NIT2: variants seen among roughly 807,000 people sequenced by gnomAD.
The protein encoded by NIT2 is nitrilase family member 2, also known as omega-amidase NIT2.
NIT2 carries 46 observed loss-of-function variants against 42.7 expected under a neutral mutation model. The ratio of observed to expected loss-of-function variants is 1.08; its 90% CI spans 0.85 to 1.38. The LOEUF (loss-of-function observed/expected upper bound fraction) is 1.38, where lower values mean the gene tolerates loss of function less well. NIT2 is among the 40% of genes most tolerant of loss of function. NIT2 has a pLI of 0.00. For synonymous variants in NIT2, 123 were observed against 121.9 expected (o/e 1.01, Z -0.06); for missense variants, 309 against 342.5 (o/e 0.90, Z 0.77).
At chr3:100,346,415 A>G (rs1178904677) in intron 6 of NIT2, 160 bp downstream of exon 6, 3 of 625,450 alleles carry the variant, frequency 4.8e-6, no homozygotes, top group East Asian at 2.8e-5. Context: ...TTTGCTGTGT[A>G]TGGATGACAG....
At chr3:100,345,726 A>G (rs1183070059) in intron 5 of NIT2, 48 bp downstream of exon 5, 1 of 1,156,554 alleles carries the variant, frequency 8.6e-7, no homozygotes, top group Non-Finnish European at 1.3e-6. Context: ...GTAGAAGACA[A>G]TCAGGTATTT....
intron 1 of NIT2, among the ~76,000 whole-genome samples, chr3:100,338,164 A>G (rs1420024641): frequency 4.6e-5 from 7 of 152,230 alleles, no homozygotes; most frequent in Non-Finnish European, 8.8e-5. Flanking sequence ...ATGTATAGCT[A>G]CTACCTCCAG....
intron 6 of NIT2, among the ~76,000 whole-genome samples, chr3:100,348,562 A>T (rs771709376): frequency 6.6e-6 from 1 of 152,172 alleles, no homozygotes; most frequent in Admixed American, 6.5e-5. Context: ...TCAAAGTCAC[A>T]TGTGATTTTG....
rs181710866 is a variant in NIT2, at chr3:100,345,254, C to T, written c.337-331C>T. ...GATTACAGGCATGAGCCACCGTGTC[C>T]GGCCTGATTCTGAGAAGTCTTTATT... On this transcript the variant is annotated intron_variant, in intron 4 of 9. Transcript: ENST00000394140. Among the ~76,000 whole-genome samples the T allele has an allele frequency of 3.3e-5, 5 of 152,276 alleles. No homozygotes were observed. The East Asian group carries it at 5.8e-4, about 18-fold the overall frequency.
chr3:100,335,608 G>A (rs1016456144), intron 1 of NIT2, among the ~76,000 whole-genome samples: 1 of 152,186 alleles, frequency 6.6e-6, no homozygotes, highest in African/African-American at 2.4e-5. Context: ...CAGAATGATA[G>A]GCAGTCCTAA....
At chr3:100,335,959 A>C (rs1430059269) in intron 1 of NIT2, among the ~76,000 whole-genome samples, 1 of 152,234 alleles carries the variant, frequency 6.6e-6, no homozygotes, top group Admixed American at 6.5e-5. Context: ...GGAGACGTTT[A>C]GTGGATTTAT....
chr3:100,339,086 G>T lies in NIT2; in HGVS notation c.8-1G>T. On this transcript the variant is annotated splice_acceptor_variant, in intron 1 of 9. Transcript: ENST00000394140. LOFTEE classifies it high-confidence loss of function. Reference sequence around the variant, plus strand: ...CTGTTTTCTTTTGTCTTTGTTCTCAGCTTTCCGCTTGGCCCTCATCCAGCT... The same window carrying T: ...CTGTTTTCTTTTGTCTTTGTTCTCATCTTTCCGCTTGGCCCTCATCCAGCT... The T allele has an allele frequency of 6.2e-7, 1 of 1,605,794 alleles. No homozygotes were observed. The highest frequency in any genetic ancestry group is 8.5e-7 in the Non-Finnish European group (1 of 1,172,512).
intron 4 of NIT2, among the ~76,000 whole-genome samples, 180 bp from the exon 5 acceptor site, chr3:100,345,405 G>A (rs1706204749): frequency 6.6e-6 from 1 of 152,198 alleles, no homozygotes; most frequent in African/African-American, 2.4e-5. Flanking sequence ...GTTCCCTGTG[G>A]TAGAATTCAT....
intron 7 of NIT2, among the ~76,000 whole-genome samples, chr3:100,351,758 G>T (rs1338635659): frequency 6.6e-6 from 1 of 152,122 alleles, no homozygotes. Flanking sequence ...TTGACAAATG[G>T]GATCTAATTA....
At chr3:100,355,035 A>G in intron 9 of NIT2, 142 bp from the exon 10 acceptor site, 2 of 724,310 alleles carry the variant, frequency 2.8e-6, no homozygotes, top group Non-Finnish European at 4.7e-6. Context: ...AAATGATGCC[A>G]GGCCATCTGT....
chr3:100,351,895 C>A (rs1706277561), intron 7 of NIT2, among the ~76,000 whole-genome samples: 1 of 152,036 alleles, frequency 6.6e-6, no homozygotes, highest in Non-Finnish European at 1.5e-5. Context: ...CTACAATGAA[C>A]TCCAACAAAT....
intron 1 of NIT2, among the ~76,000 whole-genome samples, chr3:100,337,462 TA>T (rs1049244010): frequency 1.3e-5 from 2 of 152,150 alleles, no homozygotes; most frequent in Admixed American, 6.5e-5. Flanking sequence ...TTTATTTATT[TA>T]TTTTTTTGGA....
In NIT2 at chr3:100,358,650, T is replaced by G. The variant is rs1384254692; in HGVS notation, c.*3382T>G. On this transcript the variant is annotated 3_prime_UTR_variant, in exon 10 of 10. Transcript: ENST00000394140. Reference sequence around the variant, plus strand: ...AACAGATAATAAGTGTTGCACTGGTTGCAAATGAATAAATAAGTAACATTA... The same window carrying G: ...AACAGATAATAAGTGTTGCACTGGTGGCAAATGAATAAATAAGTAACATTA... 1 of 152,212 alleles carries G rather than the reference T, an allele frequency of 6.6e-6. No individual in the cohort carries two copies. Among genetic ancestry groups the G allele is most frequent in the Admixed American group, 6.5e-5 (1 of 15,276 alleles). The allele number at this position is 152,212 out of a possible 1,614,324, so 9.4% of individuals were successfully genotyped here. A position where few individuals can be genotyped will look rare whatever the true frequency, so the allele number is the denominator to read the frequency against.
chr3:100,349,139 C>T (rs894324087), intron 7 of NIT2: 1 of 319,842 alleles, frequency 3.1e-6, no homozygotes, highest in South Asian at 3.2e-5. Flanking sequence ...TTTTAAGAGA[C>T]GGGTCTTACC....
intron 6 of NIT2, among the ~76,000 whole-genome samples, chr3:100,346,795 C>T (rs752187246): frequency 4.2e-4 from 64 of 152,228 alleles, no homozygotes; most frequent in Non-Finnish European, 8.1e-4. Flanking sequence ...GAAGAGAGAA[C>T]CTATAAAGCC....
At chr3:100,346,993 T>A (rs1332475862) in intron 6 of NIT2, among the ~76,000 whole-genome samples, 2 of 152,206 alleles carry the variant, frequency 1.3e-5, no homozygotes, top group Non-Finnish European at 2.9e-5. Context: ...TTAGGGCAAC[T>A]CCTCGGCCCC....
At chr3:100,340,172 G>A (rs1342465937) in intron 3 of NIT2, among the ~76,000 whole-genome samples, 1 of 152,186 alleles carries the variant, frequency 6.6e-6, no homozygotes, top group African/African-American at 2.4e-5. Flanking sequence ...CGAGGCTCAA[G>A]TGATTCTCCC....
intron 6 of NIT2, 92 bp from the exon 7 acceptor site, chr3:100,348,711 G>A: frequency 2.1e-6 from 2 of 971,564 alleles, no homozygotes; most frequent in South Asian, 2.8e-5. Flanking sequence ...GAAAGTTTGA[G>A]TTCAGTTCCT....
chr3:100,339,047 C>T (rs1346596148), intron 1 of NIT2, 40 bp from the exon 2 acceptor site: 7 of 1,388,776 alleles, frequency 5.0e-6, no homozygotes, highest in Non-Finnish European at 7.2e-6. Flanking sequence ...TCCAGCAGTT[C>T]GATCTTCTGA....
Sources: allele counts gnomAD v4.1 joint callset (sites outside exome capture counted in the v4.1 genomes callset), GRCh38; gene constraint gnomAD v4.1.1; transcripts MANE v1.5; gene names NCBI Gene and HGNC (gene_info 2026-07-23, HGNC 2026-07-21).